The following BLVRB variants were observed in gnomAD, a reference collection of about 807,000 sequenced individuals.
BLVRB encodes biliverdin reductase B.
A neutral mutation model predicts 21.1 loss-of-function variants in BLVRB; 25 were observed. The ratio of observed to expected loss-of-function variants is 1.19; its 90% CI spans 0.86 to 1.66. BLVRB has a LOEUF of 1.66. Ranked by LOEUF, BLVRB falls within the 40% of genes most tolerant of loss-of-function variation. The probability of loss-of-function intolerance (pLI) is 0.00; values close to 1 mark genes in which losing one functional copy is unlikely to be tolerated. For synonymous variants in BLVRB, 128 were observed against 122.2 expected (o/e 1.05, Z -0.31); for missense variants, 274 against 282.7 (o/e 0.97, Z 0.22).
intron 3 of BLVRB, 44 bp downstream of exon 3, chr19:40,458,111 A>T: frequency 1.3e-6 from 2 of 1,582,050 alleles, no homozygotes; most frequent in Non-Finnish European, 1.7e-6. Flanking sequence ...CTGCCTCCCC[A>T]GTACCCCCCA....
intron 3 of BLVRB, among the ~76,000 whole-genome samples, chr19:40,453,379 C>T (rs981033949): frequency 2.0e-5 from 3 of 152,106 alleles, no homozygotes; most frequent in Non-Finnish European, 4.4e-5. Flanking sequence ...TCCCTAGGAC[C>T]CTTCCCCTGC....
chr19:40,456,985 G>A (rs889900097), intron 3 of BLVRB, among the ~76,000 whole-genome samples: 4 of 151,940 alleles, frequency 2.6e-5, no homozygotes, highest in African/African-American at 7.2e-5. Context: ...TCCAATCTGC[G>A]AACAAAAGTA....
chr19:40,452,550 G>A (rs2079744443), intron 3 of BLVRB, among the ~76,000 whole-genome samples: 2 of 151,116 alleles, frequency 1.3e-5, no homozygotes, highest in South Asian at 2.1e-4. Flanking sequence ...GCATGATACC[G>A]GCCAAGCCTG....
intron 1 of BLVRB, among the ~76,000 whole-genome samples, chr19:40,459,816 C>A (rs2079778873): frequency 6.6e-6 from 1 of 152,170 alleles, no homozygotes; most frequent in African/African-American, 2.4e-5. Context: ...GGTGATCCAC[C>A]CACCTTGGCC....
chr19:40,449,588 A>T (rs1488496406), intron 4 of BLVRB, among the ~76,000 whole-genome samples: 1 of 152,164 alleles, frequency 6.6e-6, no homozygotes, highest in Non-Finnish European at 1.5e-5. Context: ...ACTAAATGAT[A>T]TGACAGAGTA....
In BLVRB at chr19:40,451,492, G is replaced by T. The variant is rs1377570872; in HGVS notation, c.335C>A (p.Ala112Asp). ...GVDKVVACTSAFLLWDPTKVP... is the reference protein window; with the variant it reads ...GVDKVVACTSDFLLWDPTKVP... ...CTTGGTAGGGTCCCAGAGCAGGAAA[G>T]CTGGAGGGAACACAGGGCAGGATCA... The change falls in exon 4 of 5, where the codon GCT becomes GAT. Residue 112 changes from alanine to aspartate, a missense_variant and splice_region_variant. Ala to Asp is a moderately radical substitution (Grantham distance 126). Transcript: ENST00000263368. The T allele has an allele frequency of 6.2e-7, 1 of 1,608,192 alleles. No homozygotes were observed. The highest frequency in any genetic ancestry group is 1.7e-5 in the Admixed American group (1 of 59,460).
At chr19:40,462,982 A>G (rs2079795113) in intron 1 of BLVRB, among the ~76,000 whole-genome samples, 1 of 151,926 alleles carries the variant, frequency 6.6e-6, no homozygotes, top group African/African-American at 2.4e-5. Flanking sequence ...TACATATATA[A>G]TTAAAATGAG....
At position 40,447,911 on chromosome 19, in the gene BLVRB, T is replaced by C; in HGVS notation, c.599A>G (p.Tyr200Cys). 6.2e-7 allele frequency: 1 copy of C among 1,613,538 alleles called. No individual in the cohort carries two copies. The highest frequency in any genetic ancestry group is 8.5e-7 in the Non-Finnish European group (1 of 1,179,842). The change falls in exon 5 of 5, where the codon TAC becomes TGC. Residue 200 changes from tyrosine (Y) to cysteine (C), a missense_variant. Coordinates refer to ENST00000263368, the MANE Select transcript of BLVRB (RefSeq NM_000713.3). ...GTGCTACTGGTACTGGTGGGAGGGG[T>C]AGGTGCTGTGTCCGTCGTACTCATC... is the stretch of plus-strand genomic sequence containing the variant. Reference protein sequence around the residue: ...TTDEYDGHSTYPSHQYQ With the variant: ...TTDEYDGHSTCPSHQYQ
intron 1 of BLVRB, among the ~76,000 whole-genome samples, chr19:40,461,546 C>T (rs2079787726): frequency 6.7e-6 from 1 of 148,382 alleles, no homozygotes; most frequent in Admixed American, 6.8e-5. Flanking sequence ...GTTGCCCAGT[C>T]TGGAGTGCAG....
chr19:40,464,934 C>T (rs1171205525), intron 1 of BLVRB, among the ~76,000 whole-genome samples: 1 of 152,130 alleles, frequency 6.6e-6, no homozygotes, highest in Non-Finnish European at 1.5e-5. Context: ...TGGTTATCCC[C>T]TTTTCTGCCC....
intron 4 of BLVRB, 110 bp from the exon 5 acceptor site, chr19:40,448,156 G>T: frequency 8.2e-7 from 1 of 1,213,970 alleles, no homozygotes; most frequent in Non-Finnish European, 1.1e-6. Context: ...TCCAGCCTGG[G>T]TGGTGTCACA....
Position 40,458,196 on chromosome 19 carries a change from A to C in BLVRB, c.293T>G (p.Met98Arg), listed in dbSNP as rs1043786163. 2.5e-6 allele frequency: 4 copies of C among 1,613,094 alleles called. No individual in the cohort carries two copies. In the African/African-American group the frequency reaches 4.0e-5, roughly 16 times the overall value. Residue 98 changes from methionine (M) to arginine (R), a missense_variant, in exon 3 of 5, where the codon ATG (methionine) becomes AGG (arginine). Coordinates refer to ENST00000263368, the MANE Select transcript of BLVRB (RefSeq NM_000713.3). ...SEGARNIVAA[M>R]KAHGVDKVVA... ...GACCTTGTCCACACCATGAGCCTTC[A>C]TGGCTGCCACAATGTTCCGGGCGCC... is the stretch of plus-strand genomic sequence containing the variant.
intron 1 of BLVRB, among the ~76,000 whole-genome samples, chr19:40,465,298 G>T (rs2079806564): frequency 6.6e-6 from 1 of 152,186 alleles, no homozygotes. Flanking sequence ...CTGGGAGTGC[G>T]AACAACCACC....
chr19:40,449,819 G>A (rs1274106979), intron 4 of BLVRB, among the ~76,000 whole-genome samples: 1 of 152,134 alleles, frequency 6.6e-6, no homozygotes, highest in African/African-American at 2.4e-5. Flanking sequence ...AGAGACAACA[G>A]GATAAAATGC....
chr19:40,459,868 G>A (rs1008866890), intron 1 of BLVRB, among the ~76,000 whole-genome samples: 7 of 152,186 alleles, frequency 4.6e-5, no homozygotes, highest in Non-Finnish European at 1.0e-4. Flanking sequence ...ACTGTACCCA[G>A]CCAGCAACTT....
At chr19:40,460,219 T>C (rs1170217170) in intron 1 of BLVRB, among the ~76,000 whole-genome samples, 1 of 145,638 alleles carries the variant, frequency 6.9e-6, no homozygotes. Context: ...GCAAAGGATG[T>C]TAACATTTGG....
At chr19:40,456,886 A>T (rs989136878) in intron 3 of BLVRB, among the ~76,000 whole-genome samples, 1 of 152,074 alleles carries the variant, frequency 6.6e-6, no homozygotes, top group African/African-American at 2.4e-5. Flanking sequence ...ACGCCACTGC[A>T]CTCCAGCCTG....
chr19:40,450,908 A>C (rs2079736943), intron 4 of BLVRB, among the ~76,000 whole-genome samples: 1 of 150,478 alleles, frequency 6.6e-6, no homozygotes, highest in African/African-American at 2.5e-5. Context: ...TATCTCCCAT[A>C]CTAGAAATGT....
At chr19:40,453,310 G>GA (rs1398393019) in intron 3 of BLVRB, among the ~76,000 whole-genome samples, 3 of 151,942 alleles carry the variant, frequency 2.0e-5, no homozygotes, top group Non-Finnish European at 4.4e-5. Context: ...GTTTAAAATT[G>GA]CAAAATCCTG....
Sources: allele counts gnomAD v4.1 joint callset (sites outside exome capture counted in the v4.1 genomes callset), GRCh38; gene constraint gnomAD v4.1.1; transcripts MANE v1.5; gene names NCBI Gene and HGNC (gene_info 2026-07-23, HGNC 2026-07-21).